Variants in MTNR1A observed in about 807,000 individuals in gnomAD.
The protein encoded by MTNR1A is melatonin receptor type 1A.
A neutral mutation model predicts 5.5 loss-of-function variants in MTNR1A; 7 were observed. The observed-to-expected ratio is 1.28, with a 90% confidence interval of 0.73 to 2.40. The LOEUF (loss-of-function observed/expected upper bound fraction) is 2.40, where lower values mean the gene tolerates loss of function less well. Among genes scored for constraint, MTNR1A ranks in the 30% most tolerant of loss-of-function variants. The pLI, the probability that MTNR1A is intolerant of heterozygous loss-of-function variation, is 0.00. For synonymous variants in MTNR1A, 196 were observed against 202.7 expected (o/e 0.97, Z 0.28); for missense variants, 441 against 464.4 (o/e 0.95, Z 0.46).
chr4:186,541,870 C>T (rs991361707), intron 1 of MTNR1A, among the ~76,000 whole-genome samples: 8 of 152,122 alleles, frequency 5.3e-5, no homozygotes, highest in African/African-American at 1.4e-4. Flanking sequence ...AGATGGGCAA[C>T]GATTTGGAAG....
rs199972565 is a variant in MTNR1A at position 186,555,214 on chromosome 4, G to C, written c.152C>G (p.Ser51Trp). 3 of 1,594,210 alleles carry C rather than the reference G, an allele frequency of 1.9e-6. No homozygotes were observed. The highest frequency in any genetic ancestry group is 2.6e-6 in the Non-Finnish European group (3 of 1,171,060). The change falls in exon 1 of 2, where the codon TCG becomes TGG. Residue 51 changes from serine to tryptophan, a missense_variant. Coordinates refer to ENST00000307161, the MANE Select transcript of MTNR1A (RefSeq NM_005958.4). The surrounding 1 kb of genome is among the most constrained non-coding windows in gnomAD (Gnocchi z 4.1). ...DILGNLLVILSVYRNKKLRNA... is the reference protein window; with the variant it reads ...DILGNLLVILWVYRNKKLRNA... ...CCTGAGCTTCTTGTTCCGATACACCGACAGGATGACCAGGAGGTTGCCCAG... is the reference window on the plus strand; with the variant it reads ...CCTGAGCTTCTTGTTCCGATACACCCACAGGATGACCAGGAGGTTGCCCAG...
At chr4:186,552,089 C>T (rs978937689) in intron 1 of MTNR1A, among the ~76,000 whole-genome samples, 4 of 152,206 alleles carry the variant, frequency 2.6e-5, no homozygotes, top group South Asian at 4.1e-4. Context: ...TGTTGCTGCA[C>T]TGTGCTGCTT....
intron 1 of MTNR1A, among the ~76,000 whole-genome samples, chr4:186,539,656 C>G (rs757433252): frequency 5.9e-5 from 9 of 152,174 alleles, no homozygotes; most frequent in Admixed American, 1.3e-4. Context: ...CCAGAAGACA[C>G]AGCAAGAAGG....
chr4:186,541,343 G>A lies in MTNR1A; in HGVS notation c.185-6786C>T, dbSNP rs146611836. 3.3e-5 allele frequency among the ~76,000 whole-genome samples: 5 copies of A among 152,298 alleles called. No homozygotes were observed. The East Asian group carries it at 9.7e-4, about 30-fold the overall frequency. ...GGAAGGAGAGAGGGCCACAGGTTTA[G>A]ATCTGCACTGATTAATGGGCAGTGG... On this transcript the variant is annotated intron_variant, in intron 1 of 1. Coordinates refer to ENST00000307161, the MANE Select transcript of MTNR1A (RefSeq NM_005958.4).
In MTNR1A at chr4:186,554,561, CATATTATACGT is replaced by C. The variant is rs538060208; in HGVS notation, c.184+610_184+620del. ...TCAAGCACACAATTACCTGTAGTTG[CATATTATACGT>C]AAGTGTACTCTTTCCTGCTCACGCC... On this transcript the variant is annotated intron_variant, in intron 1 of 1. Transcript: ENST00000307161. 9.8e-5 allele frequency among the ~76,000 whole-genome samples: 15 copies of C among 152,312 alleles called. 1 individual carries two copies. In the South Asian group the frequency reaches 2.7e-3, roughly 27 times the overall value.
intron 1 of MTNR1A, among the ~76,000 whole-genome samples, chr4:186,552,403 T>C (rs1305960907): frequency 1.3e-5 from 2 of 152,222 alleles, no homozygotes; most frequent in African/African-American, 4.8e-5. Flanking sequence ...CTCAGTTAGA[T>C]TGCCAGATAA....
In MTNR1A at chr4:186,534,528, C is replaced by A. The variant is rs1304336792; in HGVS notation, c.214G>T (p.Ala72Ser). Residue 72 changes from alanine (A) to serine (S), a missense_variant, in exon 2 of 2, where the codon GCA becomes TCA. By Grantham distance (99) the Ala-to-Ser change is moderately conservative. Transcript: ENST00000307161. ...GGATAAATGGCCACCACCAGGTCTG[C>A]CACCGCTAAGCTCACCACAAAGATG... is the stretch of plus-strand genomic sequence containing the variant. Reference protein sequence around the residue: ...GNIFVVSLAVADLVVAIYPYP... With the variant: ...GNIFVVSLAVSDLVVAIYPYP... 1.2e-6 allele frequency: 2 copies of A among 1,613,236 alleles called. No individual in the cohort carries two copies. Among genetic ancestry groups the A allele is most frequent in the South Asian group, 2.2e-5 (2 of 91,084 alleles).
chr4:186,540,200 CAG>C (rs1736979895), intron 1 of MTNR1A, among the ~76,000 whole-genome samples: 1 of 152,178 alleles, frequency 6.6e-6, no homozygotes, highest in African/African-American at 2.4e-5. Context: ...TACCTCCCAC[CAG>C]GTCCCTGACA....
Position 186,534,277 on chromosome 4 carries a change from C to A in MTNR1A, c.465G>T (p.Thr155=). The change falls in exon 2 of 2, where the codon ACG becomes ACT. Residue 155 remains threonine, a synonymous_variant. Coordinates refer to ENST00000307161, the MANE Select transcript of MTNR1A (RefSeq NM_005958.4). ...GGAGGTTGGGCAGGACGGCCGCCAG[C>A]GTCAGGAGCCATATGAGGAGCACGT... is the stretch of plus-strand genomic sequence containing the variant. The part of the protein sequence containing the change: ...LCYVLLIWLL[T]LAAVLPNLRA... 1 of 1,614,110 alleles carries A rather than the reference C, an allele frequency of 6.2e-7. No individual in the cohort carries two copies. The highest frequency in any genetic ancestry group is 8.5e-7 in the Non-Finnish European group (1 of 1,180,030).
chr4:186,547,078 G>C (rs372448880), intron 1 of MTNR1A, among the ~76,000 whole-genome samples: 2 of 66,348 alleles, frequency 3.0e-5, no homozygotes, highest in African/African-American at 1.1e-4. Context: ...CACCCTGTTC[G>C]TGGGACACAC....
intron 1 of MTNR1A, among the ~76,000 whole-genome samples, chr4:186,543,958 C>G (rs114453935): frequency 0.011 from 1,713 of 152,274 alleles, 26 homozygotes; most frequent in African/African-American, 0.039. Context: ...GCCTCACCCA[C>G]AAAAGAATTT....
At chr4:186,552,638 C>G (rs1169157067) in intron 1 of MTNR1A, among the ~76,000 whole-genome samples, 1 of 152,180 alleles carries the variant, frequency 6.6e-6, no homozygotes, top group African/African-American at 2.4e-5. Context: ...ATATGCGCCA[C>G]TTCACTACAG....
At chr4:186,553,274 A>T in intron 1 of MTNR1A, among the ~76,000 whole-genome samples, 1 of 152,236 alleles carries the variant, frequency 6.6e-6, no homozygotes, top group East Asian at 1.9e-4. Flanking sequence ...CCATTCCAGA[A>T]ATCCTCAAAT....
chr4:186,548,868 C>G (rs1415913255), intron 1 of MTNR1A, among the ~76,000 whole-genome samples: 1 of 121,256 alleles, frequency 8.2e-6, no homozygotes, highest in Non-Finnish European at 1.7e-5. Flanking sequence ...GTAAAACAAT[C>G]TTTTAAAAAA....
intron 1 of MTNR1A, among the ~76,000 whole-genome samples, chr4:186,537,471 T>C (rs1011698404): frequency 2.6e-5 from 4 of 152,310 alleles, no homozygotes; most frequent in East Asian, 1.9e-4. Context: ...TAATAATGCA[T>C]TCTGAAATGT....
chr4:186,542,128 G>A (rs1020040650), intron 1 of MTNR1A, among the ~76,000 whole-genome samples: 1 of 152,204 alleles, frequency 6.6e-6, no homozygotes, highest in African/African-American at 2.4e-5. Context: ...TGCAGCCACT[G>A]CTGCACTGCT....
chr4:186,555,186 G>T lies in MTNR1A; in HGVS notation c.180C>A (p.Asn60Lys). 6.3e-7 allele frequency: 1 copy of T among 1,592,206 alleles called. No individual in the cohort carries two copies. Among genetic ancestry groups the T allele is most frequent in the Non-Finnish European group, 8.5e-7 (1 of 1,169,966 alleles). The change falls in exon 1 of 2, where the codon AAC becomes AAA. Residue 60 changes from asparagine (N) to lysine (K), a missense_variant. Asn to Lys is a moderately conservative substitution (Grantham distance 94). Coordinates refer to ENST00000307161, the MANE Select transcript of MTNR1A (RefSeq NM_005958.4). The surrounding 1 kb of genome is among the most constrained non-coding windows in gnomAD (Gnocchi z 4.1). ...GGGAGGCGGCGCGGGCCCTACCTGC[G>T]TTCCTGAGCTTCTTGTTCCGATACA... Reference protein sequence around the residue: ...LSVYRNKKLRNAGNIFVVSLA... With the variant: ...LSVYRNKKLRKAGNIFVVSLA...
rs1560898103 is a variant in MTNR1A at position 186,548,841 on chromosome 4, AT to A, written c.184+6340del. Among the ~76,000 whole-genome samples, 19 of 62,466 alleles carry A rather than the reference AT, an allele frequency of 3.0e-4. 1 individual carries two copies. Among genetic ancestry groups the A allele is most frequent in the East Asian group, 1.2e-3 (2 of 1,668 alleles). 41.0% of individuals were successfully genotyped at this position (62,466 alleles called of 152,430 possible). A position where few individuals can be genotyped will look rare whatever the true frequency, so the allele number is the denominator to read the frequency against. On this transcript the variant is annotated intron_variant, in intron 1 of 1. Coordinates refer to ENST00000307161, the MANE Select transcript of MTNR1A (RefSeq NM_005958.4). The stretch of plus-strand genomic sequence containing the variant: ...TATATATATATATATATATATATAT[AT>A]ATATACACTATATATGTAAAACAAT...
At position 186,555,129 on chromosome 4, in the gene MTNR1A, G is replaced by C; in HGVS notation, c.184+53C>G. On this transcript the variant is annotated intron_variant, in intron 1 of 1. Transcript: ENST00000307161. The surrounding 1 kb of genome is among the most constrained non-coding windows in gnomAD (Gnocchi z 4.1). ...TGCTTGGGGAAGGCTGGCTGCCCGCGGAGAGGCGCTGCGTCCGGAGCGCTG... is the reference window on the plus strand; with the variant it reads ...TGCTTGGGGAAGGCTGGCTGCCCGCCGAGAGGCGCTGCGTCCGGAGCGCTG... 6.5e-7 allele frequency: 1 copy of C among 1,537,662 alleles called. No homozygotes were observed. Among genetic ancestry groups the C allele is most frequent in the Non-Finnish European group, 8.8e-7 (1 of 1,131,866 alleles).
Sources: gnomAD v4.1 joint callset for allele counts (sites outside exome capture counted in the v4.1 genomes callset) on GRCh38, gnomAD v4.1.1 for gene constraint, Gnocchi (gnomAD v3.1) non-coding constraint, MANE v1.5 for transcripts, NCBI Gene and HGNC (gene_info 2026-07-23, HGNC 2026-07-21) for gene names.